The following INPP4B variants were observed in gnomAD, a reference collection of about 807,000 sequenced individuals.
INPP4B encodes inositol polyphosphate-4-phosphatase type II B, also known as inositol polyphosphate 4-phosphatase type II.
A neutral mutation model predicts 122.5 loss-of-function variants in INPP4B; 55 were observed. The observed-to-expected ratio is 0.45, with a 90% CI of 0.36 to 0.56. INPP4B has a LOEUF of 0.56. Ranked by LOEUF, INPP4B falls within the 20% of genes least tolerant of loss-of-function variation. INPP4B has a pLI of 0.00. For synonymous variants in INPP4B, 403 were observed against 388.7 expected (o/e 1.04, Z -0.43); for missense variants, 1,000 against 1,097.7 (o/e 0.91, Z 1.26).
In INPP4B at chr4:142,172,105, G is replaced by GAATATCAA. The variant is rs1211531644; in HGVS notation, c.1359+1519_1359+1526dup. Among the ~76,000 whole-genome samples, 3 of 151,676 alleles carry GAATATCAA rather than the reference G, an allele frequency of 2.0e-5. No homozygotes were observed. The East Asian group carries it at 5.8e-4, about 29-fold the overall frequency. On this transcript the variant is annotated intron_variant, in intron 16 of 25. Coordinates refer to ENST00000262992, the MANE Select transcript of INPP4B (RefSeq NM_001101669.3). ...CCCTAGTCAGAAAAACATACTTATTGAATATCAAAATACTTAGGTATTACT... is the reference window on the plus strand; with the variant it reads ...CCCTAGTCAGAAAAACATACTTATTGAATATCAAAATATCAAAATACTTAGGTATTACT...
chr4:142,431,227 T>G lies in INPP4B; in HGVS notation c.33A>C (p.Glu11Asp). MEIKEEGASE[E>D]GQHFLPTAQA... ...GGGCTGTAGGAAGAAAGTGCTGCCC[T>G]TCTTCTGATGCCCCTTCCTCTTTAA... The change falls in exon 4 of 26, where the codon GAA becomes GAC. Residue 11 changes from glutamate to aspartate, a missense_variant. By Grantham distance (45) the Glu-to-Asp change is conservative. Transcript: ENST00000262992. The G allele has an allele frequency of 6.2e-7, 1 of 1,613,254 alleles. No individual in the cohort carries two copies. Among genetic ancestry groups the G allele is most frequent in the East Asian group, 2.2e-5 (1 of 44,864 alleles).
chr4:142,498,221 ATATACT>A lies in INPP4B; in HGVS notation c.-190-35501_-190-35496del, dbSNP rs1822893867. Among the ~76,000 whole-genome samples, 3 of 151,630 alleles carry A rather than the reference ATATACT, an allele frequency of 2.0e-5. No individual in the cohort carries two copies. In the South Asian group the frequency reaches 6.3e-4, roughly 32 times the overall value. ...CGTGTGTGTATATATATATATACAC[ATATACT>A]TACATATAAACTTTTCTTGGGAGAG... On this transcript the variant is annotated intron_variant, in intron 2 of 25. Coordinates refer to ENST00000262992, the MANE Select transcript of INPP4B (RefSeq NM_001101669.3).
chr4:142,402,409 A>C (rs148802676), intron 7 of INPP4B, among the ~76,000 whole-genome samples: 1 of 152,142 alleles, frequency 6.6e-6, no homozygotes, highest in Non-Finnish European at 1.5e-5. Flanking sequence ...AGGACAAAAG[A>C]CCACTGGGAT....
At chr4:142,409,738 C>T (rs993651281) in intron 5 of INPP4B, among the ~76,000 whole-genome samples, 1 of 152,168 alleles carries the variant, frequency 6.6e-6, no homozygotes, top group Non-Finnish European at 1.5e-5. Flanking sequence ...AATCCCCAGT[C>T]ACTGTGCAGG....
At chr4:142,398,443 T>TAAA (rs1453575750) in intron 7 of INPP4B, among the ~76,000 whole-genome samples, 9 of 76,760 alleles carry the variant, frequency 1.2e-4, no homozygotes, top group Admixed American at 1.4e-4. Flanking sequence ...TATATATATA[T>TAAA]ATAAAACATA....
intron 11 of INPP4B, among the ~76,000 whole-genome samples, chr4:142,255,388 C>T (rs1160785200): frequency 2.0e-5 from 3 of 151,944 alleles, no homozygotes; most frequent in Non-Finnish European, 2.9e-5. Flanking sequence ...CTAAATGCTC[C>T]AGTTAAAAGA....
intron 8 of INPP4B, among the ~76,000 whole-genome samples, chr4:142,314,132 T>C (rs1003952520): frequency 1.3e-5 from 2 of 152,144 alleles, no homozygotes; most frequent in African/African-American, 4.8e-5. Context: ...CTATATCTTT[T>C]AGGAGCTGCC....
chr4:142,266,639 C>T (rs1430918818), intron 10 of INPP4B, among the ~76,000 whole-genome samples: 2 of 152,036 alleles, frequency 1.3e-5, no homozygotes, highest in East Asian at 3.9e-4. Flanking sequence ...AGCTTTTCTT[C>T]TACAATCAAG....
At chr4:142,625,877 T>C (rs1298403577) in intron 2 of INPP4B, among the ~76,000 whole-genome samples, 4 of 152,118 alleles carry the variant, frequency 2.6e-5, no homozygotes, top group African/African-American at 9.7e-5. Flanking sequence ...AAACAAGAAA[T>C]GGGGAAAGGA....
chr4:142,124,108 T>C (rs1399781638), intron 19 of INPP4B, among the ~76,000 whole-genome samples: 1 of 152,054 alleles, frequency 6.6e-6, no homozygotes, highest in Non-Finnish European at 1.5e-5. Context: ...AACCTCCTAT[T>C]CGAGCCTTAC....
At chr4:142,391,778 T>A (rs565324421) in intron 7 of INPP4B, among the ~76,000 whole-genome samples, 8 of 152,312 alleles carry the variant, frequency 5.3e-5, no homozygotes, top group Admixed American at 3.3e-4. Flanking sequence ...AAATAGTTTA[T>A]AACCAATGTT....
chr4:142,306,480 T>C (rs935845626), intron 8 of INPP4B, among the ~76,000 whole-genome samples: 1 of 152,168 alleles, frequency 6.6e-6, no homozygotes, highest in African/African-American at 2.4e-5. Flanking sequence ...CAGTCTCTCA[T>C]CATAGGTCTG....
intron 7 of INPP4B, among the ~76,000 whole-genome samples, chr4:142,319,005 G>A (rs1315930785): frequency 5.9e-5 from 9 of 152,130 alleles, no homozygotes; most frequent in Admixed American, 5.9e-4. Context: ...CCTGAGGGTG[G>A]GAGGACAGCG....
At position 142,473,489 on chromosome 4, in the gene INPP4B, C is replaced by T. The variant is rs147589433; in HGVS notation, c.-190-10763G>A. The T allele has an allele frequency of 3.3e-5, 5 of 152,804 alleles. No homozygotes were observed. The East Asian group carries it at 9.6e-4, about 29-fold the overall frequency. The allele number at this position is 152,804 out of a possible 1,614,324, so 9.5% of individuals were successfully genotyped here. A position where few individuals can be genotyped will look rare whatever the true frequency, so the allele number is the denominator to read the frequency against. ...CCCTTTGGCCCACTCCACGGCCCCC[C>T]ACCATGCTTCTAGACTGAGGCAGAT... On this transcript the variant is annotated intron_variant, in intron 2 of 25. Transcript: ENST00000262992.
chr4:142,388,615 ATTGAG>A (rs1796693405), intron 7 of INPP4B, among the ~76,000 whole-genome samples: 1 of 152,134 alleles, frequency 6.6e-6, no homozygotes. Context: ...TCTGTTTTGT[ATTGAG>A]TTATCTGATG....
intron 11 of INPP4B, among the ~76,000 whole-genome samples, chr4:142,238,888 T>A (rs1349924133): frequency 6.6e-6 from 1 of 152,120 alleles, no homozygotes; most frequent in Non-Finnish European, 1.5e-5. Flanking sequence ...ATGTCACACT[T>A]ACACACCAAA....
intron 5 of INPP4B, among the ~76,000 whole-genome samples, chr4:142,419,426 C>T (rs2149298501): frequency 6.6e-6 from 1 of 152,152 alleles, no homozygotes; most frequent in African/African-American, 2.4e-5. Context: ...CCTGGGAATA[C>T]CCGTATGCTC....
At chr4:142,705,857 GGCTGCCAGCCTT>G (rs1303936174) in intron 2 of INPP4B, among the ~76,000 whole-genome samples, 3 of 152,196 alleles carry the variant, frequency 2.0e-5, no homozygotes, top group Admixed American at 6.5e-5. Flanking sequence ...AGTGTTTCCA[GGCTGCCAGCCTT>G]ACTCCTTGGT....
chr4:142,361,005 T>A (rs1037353502), intron 7 of INPP4B, among the ~76,000 whole-genome samples: 1 of 151,922 alleles, frequency 6.6e-6, no homozygotes, highest in Non-Finnish European at 1.5e-5. Flanking sequence ...TCCTTGATGC[T>A]TTCTCTTTAC....
Sources: allele counts gnomAD v4.1 joint callset (sites outside exome capture counted in the v4.1 genomes callset), GRCh38; gene constraint gnomAD v4.1.1; transcripts MANE v1.5; gene names NCBI Gene and HGNC (gene_info 2026-07-23, HGNC 2026-07-21).